Variants in ZIM2 observed in about 807,000 individuals in gnomAD.
ZIM2 encodes zinc finger imprinted 2.
Under a neutral mutation model 38.6 loss-of-function variants are expected in ZIM2, and 14 were observed. The ratio of observed to expected loss-of-function variants is 0.36; its 90% CI spans 0.24 to 0.57. The LOEUF (loss-of-function observed/expected upper bound fraction) is 0.57. ZIM2 is among the 20% of genes least tolerant of loss of function. The pLI is 0.81. For synonymous variants in ZIM2, 247 were observed against 245.8 expected, an observed-to-expected ratio of 1.00 and a Z score of -0.04; for missense variants, 680 against 695.1, an observed-to-expected ratio of 0.98 and a Z score of 0.24.
chr19:56,782,055 G>A lies in ZIM2; in HGVS notation c.637C>T (p.Leu213Phe). ...FEELVTFEDV[L>F]VDFSPEELSS... ...AGTTCCTCTGGGCTGAAGTCCACAA[G>A]CACATCCTCGAAGGTCACCAACTCC... Residue 213 changes from leucine to phenylalanine, a missense_variant, in exon 11 of 13, where the codon CTT (leucine) becomes TTT (phenylalanine). Transcript: ENST00000629319. 6.2e-7 allele frequency: 1 copy of A among 1,614,022 alleles called. No individual in the cohort carries two copies. The highest frequency in any genetic ancestry group is 1.1e-5 in the South Asian group (1 of 91,084).
intron 1 of ZIM2, among the ~76,000 whole-genome samples, chr19:56,839,905 G>C (rs1290147073): frequency 6.6e-6 from 1 of 152,256 alleles, no homozygotes; most frequent in Admixed American, 6.5e-5. Context: ...AACCAACCAA[G>C]GCAGCTCCTG....
chr19:56,776,568 G>A (rs1462969559), intron 12 of ZIM2, among the ~76,000 whole-genome samples: 2 of 152,166 alleles, frequency 1.3e-5, no homozygotes, highest in African/African-American at 4.8e-5. Flanking sequence ...CTCTTGTTCA[G>A]AATTAAACAA....
chr19:56,814,676 T>C lies in ZIM2; in HGVS notation c.490+3070A>G. 1.2e-6 allele frequency: 2 copies of C among 1,614,122 alleles called. No individual in the cohort carries two copies. Among genetic ancestry groups the C allele is most frequent in the Non-Finnish European group, 1.7e-6 (2 of 1,179,996 alleles). ...ATGATAGCTTCCTCAGCCATCTGGCTCTGCTCCAGTAAATCATCTTCCCTA... is the reference window on the plus strand; with the variant it reads ...ATGATAGCTTCCTCAGCCATCTGGCCCTGCTCCAGTAAATCATCTTCCCTA... On this transcript the variant is annotated intron_variant, in intron 9 of 12. Coordinates refer to ENST00000629319, the MANE Select transcript of ZIM2 (RefSeq NM_001387356.1). The surrounding 1 kb of genome is among the most constrained non-coding windows in gnomAD (Gnocchi z 5.8).
At chr19:56,803,946 C>T (rs1315100775) in intron 9 of ZIM2, among the ~76,000 whole-genome samples, 5 of 152,218 alleles carry the variant, frequency 3.3e-5, no homozygotes, top group Non-Finnish European at 7.3e-5. Flanking sequence ...AAAACAGTTG[C>T]ACTGCAGGCC....
At chr19:56,812,402 G>C (rs1353979674) in intron 9 of ZIM2, 1 of 984,382 alleles carries the variant, frequency 1.0e-6, no homozygotes, top group East Asian at 1.1e-4. Flanking sequence ...TGTTAAGCTT[G>C]GGTTGACTGT....
At chr19:56,781,029 G>A (rs2046308501) in intron 11 of ZIM2, among the ~76,000 whole-genome samples, 1 of 152,160 alleles carries the variant, frequency 6.6e-6, no homozygotes, top group African/African-American at 2.4e-5. Context: ...CATGAGAGCT[G>A]GAATGATACA....
Position 56,786,910 on chromosome 19 carries a change from C to T in ZIM2, c.570+2962G>A, listed in dbSNP as rs1223407896. Among the ~76,000 whole-genome samples the T allele has an allele frequency of 3.3e-5, 5 of 152,156 alleles. 1 individual carries two copies. The South Asian group carries it at 8.3e-4, about 25-fold the overall frequency. ...GGAGTGCAGTGGTGCAATCTCAGCTCCCTGCAACCTCCACCTCCTGGGTTC... is the reference window on the plus strand; with the variant it reads ...GGAGTGCAGTGGTGCAATCTCAGCTTCCTGCAACCTCCACCTCCTGGGTTC... On this transcript the variant is annotated intron_variant, in intron 10 of 12. Transcript: ENST00000629319.
At chr19:56,787,003 A>C (rs1387365438) in intron 10 of ZIM2, among the ~76,000 whole-genome samples, 2 of 151,664 alleles carry the variant, frequency 1.3e-5, no homozygotes, top group African/African-American at 4.9e-5. Flanking sequence ...CGCCCAGCTA[A>C]TTTTTGTATT....
chr19:56,802,348 G>C (rs925723448), intron 9 of ZIM2, among the ~76,000 whole-genome samples: 3 of 152,152 alleles, frequency 2.0e-5, no homozygotes, highest in African/African-American at 7.2e-5. Flanking sequence ...GCAAAAGATA[G>C]CCCCTTTATT....
rs1265650643 is a variant in ZIM2, at chr19:56,775,032, A to G, written c.1333T>C (p.Cys445Arg). Residue 445 changes from cysteine to arginine, a missense_variant, in exon 13 of 13, where the codon TGT becomes CGT. By Grantham distance (180) the Cys-to-Arg change is radical. Transcript: ENST00000629319. ...RIHSQEDYFE[C>R]FQCGKAFLQN... ...AGAAAAGCTTTGCCGCACTGAAAAC[A>G]TTCAAAGTAGTCCTCCTGACTGTGA... is the stretch of plus-strand genomic sequence containing the variant. 2.5e-6 allele frequency: 4 copies of G among 1,614,176 alleles called. No homozygotes were observed. Among genetic ancestry groups the G allele is most frequent in the Admixed American group, 1.7e-5 (1 of 60,030 alleles).
chr19:56,809,712 A>G (rs544121213), intron 9 of ZIM2, among the ~76,000 whole-genome samples: 1 of 152,322 alleles, frequency 6.6e-6, no homozygotes, highest in East Asian at 1.9e-4. Context: ...ATTCTATAAC[A>G]TAGTATCAAC....
At chr19:56,790,775 T>A (rs2046891236) in intron 9 of ZIM2, among the ~76,000 whole-genome samples, 1 of 152,190 alleles carries the variant, frequency 6.6e-6, no homozygotes, top group Admixed American at 6.5e-5. Context: ...CACTTTCAAG[T>A]GTGTTAGAAT....
At chr19:56,824,932 T>A (rs1336057953) in intron 3 of ZIM2, 1 of 362,672 alleles carries the variant, frequency 2.8e-6, no homozygotes, top group African/African-American at 2.0e-5. Flanking sequence ...AGAGACCTAC[T>A]CGAGGAGTTA....
At chr19:56,832,305 C>G (rs947674273) in intron 2 of ZIM2, among the ~76,000 whole-genome samples, 2 of 152,162 alleles carry the variant, frequency 1.3e-5, no homozygotes, top group African/African-American at 4.8e-5. Flanking sequence ...CAATCTCCCT[C>G]TGACCCTTAA....
chr19:56,798,405 C>A (rs1345399821), intron 9 of ZIM2: 1 of 151,988 alleles, frequency 6.6e-6, no homozygotes, highest in Non-Finnish European at 1.5e-5. Flanking sequence ...AACTGGCTAG[C>A]CATATGCAGA....
At chr19:56,786,891 C>T (rs1193793483) in intron 10 of ZIM2, among the ~76,000 whole-genome samples, 1 of 152,144 alleles carries the variant, frequency 6.6e-6, no homozygotes, top group Admixed American at 6.5e-5. Context: ...GGCTGGAGTG[C>T]AGTGGTGCAA....
chr19:56,829,036 A>G (rs2146474041), intron 2 of ZIM2, among the ~76,000 whole-genome samples: 1 of 152,308 alleles, frequency 6.6e-6, no homozygotes, highest in East Asian at 1.9e-4. Flanking sequence ...AGATAAAATG[A>G]TAATAAGAAA....
At position 56,789,848 on chromosome 19, in the gene ZIM2, A is replaced by G. The variant is rs73935698; in HGVS notation, c.570+24T>C. On this transcript the variant is annotated intron_variant, in intron 10 of 12. Transcript: ENST00000629319. ...GATAAGATCCCCATATTTGATAACC[A>G]TGTCAGAGGAAAGCCTGACTCACCT... 1.7e-3 allele frequency: 2,561 copies of G among 1,518,866 alleles called. 34 individuals are homozygous for G. In the African/African-American group the frequency reaches 0.031, roughly 18 times the overall value. 94.1% of individuals were successfully genotyped at this position (1,518,866 alleles called of 1,614,324 possible). A position where few individuals can be genotyped will look rare whatever the true frequency, so the allele number is the denominator to read the frequency against.
At chr19:56,805,042 C>T (rs1378196666) in intron 9 of ZIM2, among the ~76,000 whole-genome samples, 1 of 152,210 alleles carries the variant, frequency 6.6e-6, no homozygotes, top group Non-Finnish European at 1.5e-5. Flanking sequence ...CTCTGTCCCC[C>T]TTCCTTTGCA....
Sources: allele counts gnomAD v4.1 joint callset (sites outside exome capture counted in the v4.1 genomes callset), GRCh38; gene constraint gnomAD v4.1.1; non-coding constraint Gnocchi (gnomAD v3.1); transcripts MANE v1.5; gene names NCBI Gene and HGNC (gene_info 2026-07-23, HGNC 2026-07-21).